Variants in UBXN6 observed in about 807,000 individuals in gnomAD.
UBXN6 encodes the protein UBX domain protein 6.
In UBXN6, 44 loss-of-function variants were observed where a neutral mutation model predicts 51.4. The observed-to-expected ratio is 0.86, with a 90% confidence interval of 0.67 to 1.10. The LOEUF (loss-of-function observed/expected upper bound fraction) is 1.10. Among genes scored for constraint, UBXN6 ranks in the 50% least tolerant of loss-of-function variants. UBXN6 has a pLI of 0.00. For synonymous variants in UBXN6, 316 were observed against 263.2 expected (o/e 1.20, Z -1.94); for missense variants, 672 against 596.1 (o/e 1.13, Z -1.32).
chr19:4,456,549 G>T (rs529445386), intron 1 of UBXN6, among the ~76,000 whole-genome samples: 2 of 151,928 alleles, frequency 1.3e-5, no homozygotes, highest in African/African-American at 2.4e-5. Context: ...TCCCTGCAGC[G>T]GCCCCAGCTC....
intron 10 of UBXN6, 89 bp from the exon 11 acceptor site, chr19:4,445,712 C>A: frequency 1.3e-6 from 2 of 1,545,822 alleles, no homozygotes; most frequent in Non-Finnish European, 1.7e-6. Context: ...CGCGGGGATG[C>A]CCCGGCCTGG....
intron 10 of UBXN6, 139 bp downstream of exon 10, chr19:4,445,910 A>T (rs1353738747): frequency 2.9e-6 from 4 of 1,373,170 alleles, no homozygotes; most frequent in Non-Finnish European, 3.9e-6. Flanking sequence ...TAAGTGGGAA[A>T]GCAGGATTCA....
chr19:4,449,733 T>G (rs1254011862), intron 4 of UBXN6: 1 of 152,102 alleles, frequency 6.6e-6, no homozygotes, highest in Non-Finnish European at 1.5e-5. Flanking sequence ...CATACAGGAA[T>G]GTACTTTGTG....
At position 4,447,555 on chromosome 19, in the gene UBXN6, A is replaced by G. The variant is rs1360759734; in HGVS notation, c.610T>C (p.Phe204Leu). The change falls in exon 6 of 11, where the codon TTT becomes CTT. Residue 204 changes from phenylalanine to leucine, a missense_variant. Phe to Leu is a conservative substitution (Grantham distance 22, BLOSUM62 0). Transcript: ENST00000301281. ...GGGCCAGAAGGCACGCCCACCTGAA[A>G]CACCTTGTTCTGCAGCTTGATCTTC... is the stretch of plus-strand genomic sequence containing the variant. ...YRKIKLQNKV[F>L]QERINCLEGT... 2 of 1,613,386 alleles carry G rather than the reference A, an allele frequency of 1.2e-6. No homozygotes were observed. Among genetic ancestry groups the G allele is most frequent in the Admixed American group, 3.3e-5 (2 of 60,018 alleles).
chr19:4,447,085 C>A, intron 6 of UBXN6, 165 bp from the exon 7 acceptor site: 2 of 651,096 alleles, frequency 3.1e-6, no homozygotes, highest in South Asian at 3.8e-5. Flanking sequence ...ACCTGCTTTT[C>A]TACGGTGGGG....
At chr19:4,456,647 C>T (rs1180771981) in intron 1 of UBXN6, among the ~76,000 whole-genome samples, 4 of 152,188 alleles carry the variant, frequency 2.6e-5, no homozygotes, top group Non-Finnish European at 5.9e-5. Context: ...GCTGGCTCAG[C>T]CCTGCTCAGG....
chr19:4,448,143 G>A, intron 5 of UBXN6, 175 bp downstream of exon 5: 1 of 619,268 alleles, frequency 1.6e-6, no homozygotes, highest in South Asian at 1.9e-5. Context: ...GAGGCCCAAG[G>A]AGGCCCAGCC....
chr19:4,456,561 C>G (rs1974742203), intron 1 of UBXN6, among the ~76,000 whole-genome samples: 3 of 152,082 alleles, frequency 2.0e-5, no homozygotes, highest in Admixed American at 2.0e-4. Flanking sequence ...CCCCAGCTCT[C>G]CAGTTTCCCT....
intron 1 of UBXN6, among the ~76,000 whole-genome samples, chr19:4,457,202 C>G (rs949937400): frequency 4.6e-5 from 7 of 152,022 alleles, no homozygotes; most frequent in Admixed American, 4.6e-4. Context: ...CCACCCGGCT[C>G]AGGACTCATG....
Position 4,446,328 on chromosome 19 carries a change from A to G in UBXN6, c.1006T>C (p.Tyr336His), listed in dbSNP as rs759382212. Residue 336 changes from tyrosine to histidine, a missense_variant, in exon 9 of 11, where the codon TAC (tyrosine) becomes CAC (histidine). Coordinates refer to ENST00000301281, the MANE Select transcript of UBXN6 (RefSeq NM_025241.3). ...EEQRGLRKYN[Y>H]TLLRVRLPDG... ...GGGAGGCGCACGCGCAGCAGCGTGT[A>G]GTTGTACTTGCGCAGCCCCCGCTGC... is the stretch of plus-strand genomic sequence containing the variant. 7 of 1,574,526 alleles carry G rather than the reference A, an allele frequency of 4.4e-6. No individual in the cohort carries two copies. The highest frequency in any genetic ancestry group is 1.3e-5 in the African/African-American group (1 of 74,526).
Position 4,452,097 on chromosome 19 carries a change from C to T in UBXN6, c.441+267G>A, listed in dbSNP as rs565471129. Among the ~76,000 whole-genome samples, 72 of 149,692 alleles carry T rather than the reference C, an allele frequency of 4.8e-4. 1 individual carries two copies. The highest frequency in any genetic ancestry group is 1.1e-3 in the Admixed American group (16 of 15,024). On this transcript the variant is annotated intron_variant, in intron 4 of 10. Coordinates refer to ENST00000301281, the MANE Select transcript of UBXN6 (RefSeq NM_025241.3). ...CCAGGAGGCGGAGGTTGTAGTGAGC[C>T]GAGAATGCGCCACTGCACTCCAGCC... is the stretch of plus-strand genomic sequence containing the variant.
Position 4,445,442 on chromosome 19 carries a change from G to C in UBXN6, c.*56C>G, listed in dbSNP as rs977661766. 6.8e-6 allele frequency: 11 copies of C among 1,607,194 alleles called. No homozygotes were observed. Among genetic ancestry groups the C allele is most frequent in the Non-Finnish European group, 1.7e-6 (2 of 1,175,616 alleles). ...TGGAGGCCCTGGGGTGGCGGGGAGAGGAACAGGGAGAGCATGAGACAGACC... is the reference window on the plus strand; with the variant it reads ...TGGAGGCCCTGGGGTGGCGGGGAGACGAACAGGGAGAGCATGAGACAGACC... On this transcript the variant is annotated 3_prime_UTR_variant, in exon 11 of 11. Transcript: ENST00000301281.
chr19:4,445,418 G>A lies in UBXN6; in HGVS notation c.*80C>T. ...AGCCAAGTATTTCCAGAGGTGGCTT[G>A]GAGGCCCTGGGGTGGCGGGGAGAGG... On this transcript the variant is annotated 3_prime_UTR_variant, in exon 11 of 11. Coordinates refer to ENST00000301281, the MANE Select transcript of UBXN6 (RefSeq NM_025241.3). The A allele has an allele frequency of 6.3e-7, 1 of 1,588,894 alleles. No homozygotes were observed. Among genetic ancestry groups the A allele is most frequent in the South Asian group, 1.1e-5 (1 of 88,522 alleles).
chr19:4,452,888 G>A (rs1974678528), intron 3 of UBXN6, among the ~76,000 whole-genome samples: 1 of 152,172 alleles, frequency 6.6e-6, no homozygotes, highest in African/African-American at 2.4e-5. Context: ...CCATTTCTAG[G>A]CCATCTCTAA....
intron 5 of UBXN6, chr19:4,448,062 T>A (rs544593126): frequency 4.6e-5 from 26 of 560,332 alleles, no homozygotes; most frequent in Non-Finnish European, 7.7e-5. Context: ...CTCCTCCACA[T>A]GTTCCCCAAG....
Position 4,457,758 on chromosome 19 carries a change from G to C in UBXN6, c.-61C>G, listed in dbSNP as rs1030321714. On this transcript the variant is annotated 5_prime_UTR_variant, in exon 1 of 11. Coordinates refer to ENST00000301281, the MANE Select transcript of UBXN6 (RefSeq NM_025241.3). ...GCGGGGGGGCACGGGGCCCAGTCGG[G>C]GACGGGGCCGCCGGAGACCAGCCAC... 37 of 1,017,560 alleles carry C rather than the reference G, an allele frequency of 3.6e-5. No individual in the cohort carries two copies. In the African/African-American group the frequency reaches 4.2e-4, roughly 12 times the overall value. 63.0% of individuals were successfully genotyped at this position (1,017,560 alleles called of 1,614,324 possible).
chr19:4,447,837 C>G (rs1216410165), intron 5 of UBXN6: 1 of 581,434 alleles, frequency 1.7e-6, no homozygotes, highest in African/African-American at 1.9e-5. Context: ...CAGCAGGAGC[C>G]CCACGGAACC....
intron 6 of UBXN6, 155 bp from the exon 7 acceptor site, chr19:4,447,075 A>C: frequency 3.0e-6 from 2 of 671,014 alleles, no homozygotes; most frequent in Non-Finnish European, 2.5e-6. Context: ...CTGGATGCAA[A>C]CCTGCTTTTC....
Position 4,445,420 on chromosome 19 carries a change from A to G in UBXN6, c.*78T>C. The G allele has an allele frequency of 6.3e-7, 1 of 1,589,312 alleles. No homozygotes were observed. The highest frequency in any genetic ancestry group is 8.6e-7 in the Non-Finnish European group (1 of 1,164,748). On this transcript the variant is annotated 3_prime_UTR_variant, in exon 11 of 11. Transcript: ENST00000301281. ...CCAAGTATTTCCAGAGGTGGCTTGG[A>G]GGCCCTGGGGTGGCGGGGAGAGGAA...
Sources: gnomAD v4.1 joint callset for allele counts (sites outside exome capture counted in the v4.1 genomes callset) on GRCh38, gnomAD v4.1.1 for gene constraint, MANE v1.5 for transcripts, NCBI Gene and HGNC (gene_info 2026-07-23, HGNC 2026-07-21) for gene names.